The following EFR3A variants were observed in gnomAD, a reference collection of about 807,000 sequenced individuals.
EFR3A encodes the protein protein EFR3 homolog A.
A neutral mutation model predicts 104.4 loss-of-function variants in EFR3A; 76 were observed. The ratio of observed to expected loss-of-function variants is 0.73; its 90% CI spans 0.60 to 0.88. EFR3A has a LOEUF of 0.88. EFR3A is among the 40% of genes least tolerant of loss of function. The pLI, the probability that EFR3A is intolerant of heterozygous loss-of-function variation, is 0.00. For missense variants in EFR3A, 985 were observed against 1,012.5 expected (o/e 0.97, Z 0.37); for synonymous variants, 330 against 330.0 (o/e 1.00, Z 0.00).
At chr8:131,925,908 C>A (rs979953375) in intron 1 of EFR3A, among the ~76,000 whole-genome samples, 1 of 151,982 alleles carries the variant, frequency 6.6e-6, no homozygotes, top group Non-Finnish European at 1.5e-5. Flanking sequence ...AATGAATATG[C>A]CAGGCTAATG....
chr8:131,932,134 T>C (rs962456229), intron 1 of EFR3A, among the ~76,000 whole-genome samples: 2 of 152,144 alleles, frequency 1.3e-5, no homozygotes, highest in Non-Finnish European at 2.9e-5. Context: ...ACTAATGTTA[T>C]TGGTTCTTTC....
At chr8:131,914,066 G>A (rs1816641832) in intron 1 of EFR3A, among the ~76,000 whole-genome samples, 1 of 152,184 alleles carries the variant, frequency 6.6e-6, no homozygotes, top group Admixed American at 6.5e-5. Flanking sequence ...CATGTTGTTA[G>A]AATCAGCAGG....
chr8:131,959,847 C>T (rs1437107561), intron 8 of EFR3A, among the ~76,000 whole-genome samples, 184 bp downstream of exon 8: 1 of 152,146 alleles, frequency 6.6e-6, no homozygotes, highest in Non-Finnish European at 1.5e-5. Context: ...AAAGATAGAT[C>T]TAATAAAAAT....
chr8:131,915,810 G>T (rs1019137577), intron 1 of EFR3A, among the ~76,000 whole-genome samples: 2 of 152,194 alleles, frequency 1.3e-5, no homozygotes, highest in Non-Finnish European at 2.9e-5. Flanking sequence ...TGCTAGGGAA[G>T]GTGAAGAATC....
At position 131,904,284 on chromosome 8, in the gene EFR3A, G is replaced by A; in HGVS notation, c.-29G>A. ...CCCTGCGCGGCCCCGCTGAGCCTCG[G>A]TGCGGCGGCGAGCGCGGTCGAGATC... On this transcript the variant is annotated 5_prime_UTR_variant, in exon 1 of 23. It adds an upstream start codon to the 5' untranslated region. Transcript: ENST00000254624. 7.9e-7 allele frequency: 1 copy of A among 1,271,774 alleles called. No individual in the cohort carries two copies. Among genetic ancestry groups the A allele is most frequent in the Non-Finnish European group, 9.9e-7 (1 of 1,007,434 alleles). The allele number at this position is 1,271,774 out of a possible 1,614,324, so 78.8% of individuals were successfully genotyped here. A position where few individuals can be genotyped will look rare whatever the true frequency, so the allele number is the denominator to read the frequency against.
intron 9 of EFR3A, among the ~76,000 whole-genome samples, chr8:131,969,354 T>C (rs1161612856): frequency 2.0e-5 from 3 of 152,154 alleles, no homozygotes; most frequent in Non-Finnish European, 2.9e-5. Context: ...TGAGAATACC[T>C]AACTCTGCAG....
At position 131,904,184 on chromosome 8, in the gene EFR3A, ACCCTTCGCCCTTCG is replaced by A. The variant is rs776597379; in HGVS notation, c.-119_-106del. The A allele has an allele frequency of 1.8e-6, 2 of 1,083,834 alleles. No homozygotes were observed. Among genetic ancestry groups the A allele is most frequent in the Middle Eastern group, 3.4e-4 (1 of 2,934 alleles). 67.1% of individuals were successfully genotyped at this position (1,083,834 alleles called of 1,614,324 possible). A position where few individuals can be genotyped will look rare whatever the true frequency, so the allele number is the denominator to read the frequency against. ...CGCGGGGTCCGCGTCCGCTCCCTCC[ACCCTTCGCCCTTCG>A]CCCTTCGCCTCGTTCCGGCCTCCGC... On this transcript the variant is annotated 5_prime_UTR_variant, in exon 1 of 23. Transcript: ENST00000254624.
intron 4 of EFR3A, among the ~76,000 whole-genome samples, chr8:131,947,617 A>G (rs998891593): frequency 4.6e-4 from 69 of 151,594 alleles, no homozygotes; most frequent in Admixed American, 1.4e-3. Flanking sequence ...CTAAGAAACT[A>G]TTGCCTAATC....
intron 18 of EFR3A, among the ~76,000 whole-genome samples, chr8:131,990,784 G>GA (rs976623277): frequency 3.3e-5 from 5 of 152,236 alleles, no homozygotes; most frequent in African/African-American, 1.2e-4. Flanking sequence ...GTAGATTCTA[G>GA]AAAAATTTAT....
chr8:131,936,900 G>T (rs1817923501), intron 1 of EFR3A, among the ~76,000 whole-genome samples: 1 of 151,916 alleles, frequency 6.6e-6, no homozygotes, highest in Non-Finnish European at 1.5e-5. Context: ...TTTTATAGAG[G>T]CTTCACTATA....
chr8:132,003,528 C>A (rs1050155515), intron 22 of EFR3A, among the ~76,000 whole-genome samples: 1 of 152,138 alleles, frequency 6.6e-6, no homozygotes, highest in Non-Finnish European at 1.5e-5. Context: ...TTAGATTATT[C>A]ATTCCTTCCT....
intron 2 of EFR3A, among the ~76,000 whole-genome samples, chr8:131,942,457 A>C (rs933555638): frequency 6.6e-6 from 1 of 152,056 alleles, no homozygotes; most frequent in Admixed American, 6.6e-5. Flanking sequence ...CAGTTTCTTA[A>C]AATTAGTAGC....
Position 132,002,617 on chromosome 8 carries a change from G to C in EFR3A, c.2221G>C (p.Glu741Gln), listed in dbSNP as rs150770043. ...TATTTGTATAGATACCAGTGGAATG[G>C]AAGAACAGGAAAAGGAAAAGAGGCG... ...LKKAIDTSGM[E>Q]EQEKEKRRLV... Residue 741 changes from glutamate to glutamine, a missense_variant, in exon 21 of 23, where the codon GAA (glutamate) becomes CAA (glutamine). Transcript: ENST00000254624. The C allele has an allele frequency of 3.1e-6, 5 of 1,613,174 alleles. No individual in the cohort carries two copies. The African/African-American group carries it at 6.7e-5, about 22-fold the overall frequency.
intron 1 of EFR3A, chr8:131,940,188 C>T (rs1818094069): frequency 1.1e-5 from 3 of 280,572 alleles, no homozygotes; most frequent in South Asian, 4.9e-5. Flanking sequence ...GGGGGTATGC[C>T]GGAGTTGCGG....
chr8:132,003,401 A>T (rs1270539190), intron 22 of EFR3A, 116 bp downstream of exon 22: 8 of 956,926 alleles, frequency 8.4e-6, no homozygotes, highest in Non-Finnish European at 1.1e-5. Context: ...AATGCTTTTC[A>T]TTTAGGATTA....
intron 19 of EFR3A, among the ~76,000 whole-genome samples, chr8:131,997,664 G>A (rs1297082204): frequency 6.6e-6 from 1 of 152,002 alleles, no homozygotes. Flanking sequence ...TTACCAGTAA[G>A]AAGAGTATCT....
At chr8:131,965,384 TCAA>T (rs1819645419) in intron 8 of EFR3A, among the ~76,000 whole-genome samples, 1 of 151,066 alleles carries the variant, frequency 6.6e-6, no homozygotes, top group Non-Finnish European at 1.5e-5. Context: ...AAAAACAACA[TCAA>T]CAAGTGGGTG....
intron 3 of EFR3A, among the ~76,000 whole-genome samples, chr8:131,945,927 A>G (rs1818414528): frequency 2.0e-5 from 3 of 152,010 alleles, no homozygotes; most frequent in African/African-American, 7.2e-5. Flanking sequence ...ACGTCTCTTC[A>G]TCCCTCCACA....
At chr8:131,975,990 T>C in intron 10 of EFR3A, 37 bp from the exon 11 acceptor site, 2 of 1,316,366 alleles carry the variant, frequency 1.5e-6, no homozygotes, top group Non-Finnish European at 2.1e-6. Flanking sequence ...AAAGTAGACT[T>C]TTTCAGTTTC....
Sources: allele counts gnomAD v4.1 joint callset (sites outside exome capture counted in the v4.1 genomes callset), GRCh38; gene constraint gnomAD v4.1.1; transcripts MANE v1.5; gene names NCBI Gene and HGNC (gene_info 2026-07-23, HGNC 2026-07-21).